RAB2A: variants seen among roughly 807,000 people sequenced by gnomAD.
RAB2A encodes RAB2A, member RAS oncogene family, also known as ras-related protein Rab-2A.
RAB2A carries 7 observed loss-of-function variants against 32.5 expected under a neutral mutation model. The observed-to-expected ratio is 0.22, with a 90% confidence interval of 0.12 to 0.40. RAB2A has a LOEUF of 0.40. RAB2A is among the 10% of genes least tolerant of loss of function. The pLI, the probability that RAB2A is intolerant of heterozygous loss-of-function variation, is 1.00. For synonymous variants in RAB2A, 79 were observed against 85.2 expected (o/e 0.93, Z 0.40); for missense variants, 108 against 260.7 (o/e 0.41, Z 4.03).
chr8:60,584,619 G>C (rs546450580), intron 4 of RAB2A, 104 bp from the exon 5 acceptor site: 1 of 904,062 alleles, frequency 1.1e-6, no homozygotes, highest in African/African-American at 1.7e-5. Context: ...CGTTACATAA[G>C]TGGATATGGC....
chr8:60,542,472 C>T (rs1396120682), intron 1 of RAB2A, among the ~76,000 whole-genome samples: 1 of 151,870 alleles, frequency 6.6e-6, no homozygotes, highest in Admixed American at 6.6e-5. Flanking sequence ...GTCGAGATCG[C>T]GCCACTGTAC....
chr8:60,548,707 T>G (rs1366548904), intron 1 of RAB2A, among the ~76,000 whole-genome samples: 5 of 85,192 alleles, frequency 5.9e-5, no homozygotes, highest in African/African-American at 1.0e-4. Context: ...CACTTCCCAG[T>G]AGGGGCAGCC....
At chr8:60,534,167 G>T (rs887878067) in intron 1 of RAB2A, among the ~76,000 whole-genome samples, 1 of 152,150 alleles carries the variant, frequency 6.6e-6, no homozygotes, top group African/African-American at 2.4e-5. Context: ...GGAGTGAATG[G>T]CTTATAACAG....
At position 60,612,816 on chromosome 8, in the gene RAB2A, T is replaced by G. The variant is rs185514473; in HGVS notation, c.475-5764T>G. Among the ~76,000 whole-genome samples the G allele has an allele frequency of 7.2e-5, 11 of 152,336 alleles. No homozygotes were observed. In the East Asian group the frequency reaches 2.1e-3, roughly 29 times the overall value. ...CACCACAACAGCTCTACTTTGGAAC[T>G]GGTGATGCTATAGAAAGAGGCGGGG... is the stretch of plus-strand genomic sequence containing the variant. On this transcript the variant is annotated intron_variant, in intron 6 of 7. Coordinates refer to ENST00000262646, the MANE Select transcript of RAB2A (RefSeq NM_002865.3).
chr8:60,599,104 A>G (rs1375063206), intron 6 of RAB2A, among the ~76,000 whole-genome samples: 2 of 152,128 alleles, frequency 1.3e-5, no homozygotes, highest in African/African-American at 4.8e-5. Context: ...CAAGGTAGAC[A>G]TAAAAATCAA....
intron 1 of RAB2A, among the ~76,000 whole-genome samples, chr8:60,530,202 G>A (rs1807455411): frequency 2.0e-5 from 3 of 148,118 alleles, no homozygotes; most frequent in Non-Finnish European, 4.5e-5. Flanking sequence ...AGGCTGGAGT[G>A]CAGTGACACA....
At chr8:60,563,926 G>T (rs1398141746) in intron 2 of RAB2A, among the ~76,000 whole-genome samples, 1 of 151,956 alleles carries the variant, frequency 6.6e-6, no homozygotes, top group Non-Finnish European at 1.5e-5. Context: ...TCATAGTCTC[G>T]TGGCTAAACC....
chr8:60,594,938 A>G (rs369811800), intron 6 of RAB2A, among the ~76,000 whole-genome samples: 1 of 152,232 alleles, frequency 6.6e-6, no homozygotes, highest in African/African-American at 2.4e-5. Context: ...GCCACAATAA[A>G]CATACGTAGC....
chr8:60,538,436 C>G (rs1256424916), intron 1 of RAB2A, among the ~76,000 whole-genome samples: 1 of 152,044 alleles, frequency 6.6e-6, no homozygotes, highest in Non-Finnish European at 1.5e-5. Flanking sequence ...TTAACTGTAA[C>G]GTAGAATTAG....
intron 2 of RAB2A, among the ~76,000 whole-genome samples, chr8:60,568,807 C>A (rs1234055007): frequency 6.6e-6 from 1 of 152,114 alleles, no homozygotes; most frequent in East Asian, 1.9e-4. Context: ...ATCTAGCAGC[C>A]AAATTGGCTG....
chr8:60,540,934 A>G (rs574994766), intron 1 of RAB2A, among the ~76,000 whole-genome samples: 2 of 152,312 alleles, frequency 1.3e-5, no homozygotes, highest in South Asian at 2.1e-4. Context: ...GCAGAAGTCA[A>G]CTCTTCTAGT....
At chr8:60,618,711 A>T (rs746535011) in intron 7 of RAB2A, 63 bp downstream of exon 7, 2 of 595,296 alleles carry the variant, frequency 3.4e-6, no homozygotes, top group South Asian at 5.5e-5. Flanking sequence ...TTACTATTTT[A>T]TATTTTTTAT....
At chr8:60,584,674 C>A (rs758425781) in intron 4 of RAB2A, 49 bp from the exon 5 acceptor site, 1 of 1,441,826 alleles carries the variant, frequency 6.9e-7, no homozygotes, top group Non-Finnish European at 9.7e-7. Context: ...TCGTTGTATA[C>A]TGAGGGAAAT....
chr8:60,523,110 A>G (rs1045627761), intron 1 of RAB2A, among the ~76,000 whole-genome samples: 1 of 152,044 alleles, frequency 6.6e-6, no homozygotes, highest in Admixed American at 6.6e-5. Flanking sequence ...ACAGTTTAAT[A>G]GTTTTAAAGA....
chr8:60,578,296 T>C (rs952394327), intron 3 of RAB2A, among the ~76,000 whole-genome samples: 2 of 152,238 alleles, frequency 1.3e-5, no homozygotes, highest in African/African-American at 4.8e-5. Context: ...GTGTTCATTG[T>C]ATCTAATCAA....
At chr8:60,549,736 G>C (rs13257359) in intron 1 of RAB2A, among the ~76,000 whole-genome samples, 81,015 of 151,828 alleles carry the variant, frequency 0.53, 24,496 homozygotes, top group African/African-American at 0.83. Context: ...TTTTAAAAGA[G>C]TAGATAGTTG....
intron 5 of RAB2A, among the ~76,000 whole-genome samples, chr8:60,589,762 C>T (rs998256332): frequency 6.6e-5 from 10 of 152,096 alleles, no homozygotes; most frequent in African/African-American, 2.4e-4. Flanking sequence ...AGTATATCGT[C>T]AAGTACTATG....
intron 1 of RAB2A, among the ~76,000 whole-genome samples, chr8:60,554,771 T>G (rs552910320): frequency 1.3e-5 from 2 of 152,170 alleles, no homozygotes; most frequent in South Asian, 4.2e-4. Context: ...GAGAATTGCT[T>G]GAACCCGGAA....
intron 6 of RAB2A, among the ~76,000 whole-genome samples, chr8:60,602,223 A>C (rs773202873): frequency 1.3e-5 from 2 of 152,244 alleles, no homozygotes; most frequent in Admixed American, 6.5e-5. Flanking sequence ...CACTTAAAAA[A>C]GTAAACCCTT....
Sources: allele counts gnomAD v4.1 joint callset (sites outside exome capture counted in the v4.1 genomes callset), GRCh38; gene constraint gnomAD v4.1.1; transcripts MANE v1.5; gene names NCBI Gene and HGNC (gene_info 2026-07-23, HGNC 2026-07-21).